AKAP7: variants seen among roughly 807,000 people sequenced by gnomAD.
The protein encoded by AKAP7 is A-kinase anchoring protein 7.
In AKAP7, 39 loss-of-function variants were observed where a neutral mutation model predicts 39.5. The observed-to-expected ratio is 0.99, with a 90% CI of 0.76 to 1.29. The LOEUF (loss-of-function observed/expected upper bound fraction) is 1.29. AKAP7 is among the 50% of genes most tolerant of loss of function. The pLI is 0.00. For synonymous variants in AKAP7, 140 were observed against 139.1 expected (o/e 1.01, Z -0.05); for missense variants, 414 against 407.7 (o/e 1.02, Z -0.13).
intron 7 of AKAP7, among the ~76,000 whole-genome samples, chr6:131,252,368 T>A (rs1450772551): frequency 1.3e-5 from 2 of 152,232 alleles, no homozygotes; most frequent in Admixed American, 1.3e-4. Flanking sequence ...TCACTCCTGA[T>A]GGCCCCCTGG....
chr6:131,277,919 C>G (rs11965504), intron 7 of AKAP7, among the ~76,000 whole-genome samples: 3,943 of 152,228 alleles, frequency 0.026, 146 homozygotes, highest in African/African-American at 0.082. Flanking sequence ...GATATTTTGT[C>G]TTACTGACCA....
the AKAP7 span, among the ~76,000 whole-genome samples, chr6:131,126,083 T>C: frequency 1.7e-4 from 26 of 152,330 alleles, no homozygotes; most frequent in African/African-American, 6.3e-4. Flanking sequence ...CATTGTGTTA[T>C]TAAATAAGTA....
rs35936165 is a variant in AKAP7, at chr6:131,148,943, CT to C, written c.151+3530del. 9.9e-3 allele frequency among the ~76,000 whole-genome samples: 1,514 copies of C among 152,252 alleles called. 113 individuals carry two copies. In the East Asian group the frequency reaches 0.18, roughly 18 times the overall value. Reference sequence around the variant, plus strand: ...TGTTGCCTATGATTCCTTCAGTTTTCTTTGACGTGTGGAAATTGCGAGTTAA... The same window carrying C: ...TGTTGCCTATGATTCCTTCAGTTTTCTTGACGTGTGGAAATTGCGAGTTAA... On this transcript the variant is annotated intron_variant, in intron 2 of 7. Transcript: ENST00000431975.
chr6:131,184,835 G>A (rs1427155112), intron 5 of AKAP7: 10 of 1,474,470 alleles, frequency 6.8e-6, no homozygotes, highest in South Asian at 4.5e-5. Context: ...AGGCCTGGTC[G>A]GTTCTTGTAA....
intron 6 of AKAP7, among the ~76,000 whole-genome samples, chr6:131,215,195 G>T (rs914423051): frequency 6.6e-6 from 1 of 151,792 alleles, no homozygotes; most frequent in Admixed American, 6.6e-5. Context: ...TTATATTTCC[G>T]CTGGAAACTA....
At chr6:131,269,576 G>A (rs1814101492) in intron 7 of AKAP7, among the ~76,000 whole-genome samples, 1 of 152,100 alleles carries the variant, frequency 6.6e-6, no homozygotes, top group Admixed American at 6.6e-5. Context: ...ACAAGACAAG[G>A]CAAAACCAGT....
intron 2 of AKAP7, among the ~76,000 whole-genome samples, chr6:131,157,053 G>A (rs1171444996): frequency 6.6e-6 from 1 of 152,116 alleles, no homozygotes; most frequent in Non-Finnish European, 1.5e-5. Context: ...GGGATTACAG[G>A]CATGAGCCAC....
chr6:131,234,653 G>T (rs1025964550), intron 7 of AKAP7, among the ~76,000 whole-genome samples: 1 of 146,634 alleles, frequency 6.8e-6, no homozygotes, highest in African/African-American at 2.5e-5. Flanking sequence ...TTATATGTAC[G>T]CTTTTATTTC....
intron 7 of AKAP7, among the ~76,000 whole-genome samples, chr6:131,247,831 TGTTAC>T (rs1812161290): frequency 6.6e-6 from 1 of 152,110 alleles, no homozygotes; most frequent in Non-Finnish European, 1.5e-5. Flanking sequence ...GGTCTCACTG[TGTTAC>T]CCAGGCTGGT....
intron 5 of AKAP7, among the ~76,000 whole-genome samples, chr6:131,191,910 G>T (rs1251997474): frequency 6.6e-6 from 1 of 151,214 alleles, no homozygotes; most frequent in Admixed American, 6.6e-5. Flanking sequence ...AAGTAGCTGG[G>T]GCTACAGGTG....
At chr6:131,213,522 A>G (rs1562218564) in intron 6 of AKAP7, among the ~76,000 whole-genome samples, 1 of 152,174 alleles carries the variant, frequency 6.6e-6, no homozygotes, top group African/African-American at 2.4e-5. Flanking sequence ...AGATGATAGG[A>G]AGGAGGAGGA....
chr6:131,247,269 G>GTGTATATA (rs1244438178), intron 7 of AKAP7, among the ~76,000 whole-genome samples: 24 of 91,912 alleles, frequency 2.6e-4, no homozygotes, highest in African/African-American at 7.8e-4. Context: ...CATTTCATAT[G>GTGTATATA]TATATATATA....
At chr6:131,277,535 G>C (rs1026519681) in intron 7 of AKAP7, among the ~76,000 whole-genome samples, 14 of 152,316 alleles carry the variant, frequency 9.2e-5, no homozygotes, top group Non-Finnish European at 2.1e-4. Flanking sequence ...GTAGCCATTT[G>C]TCTGAGAGCT....
At chr6:131,251,366 G>A (rs1011149688) in intron 7 of AKAP7, among the ~76,000 whole-genome samples, 12 of 152,148 alleles carry the variant, frequency 7.9e-5, no homozygotes, top group East Asian at 5.8e-4. Flanking sequence ...TAGTTGCCCC[G>A]AAATAGGGAA....
intron 7 of AKAP7, among the ~76,000 whole-genome samples, chr6:131,277,278 T>C (rs984877831): frequency 1.1e-4 from 16 of 152,220 alleles, no homozygotes; most frequent in African/African-American, 3.1e-4. Flanking sequence ...TCCTAAGAAA[T>C]TGATCAAGAA....
At chr6:131,190,283 T>C (rs1330417652) in intron 5 of AKAP7, among the ~76,000 whole-genome samples, 1 of 152,142 alleles carries the variant, frequency 6.6e-6, no homozygotes, top group Non-Finnish European at 1.5e-5. Context: ...CATAAAATAC[T>C]TCAGACCTAG....
chr6:131,253,943 G>A (rs1812652825), intron 7 of AKAP7, among the ~76,000 whole-genome samples: 1 of 152,136 alleles, frequency 6.6e-6, no homozygotes, highest in Non-Finnish European at 1.5e-5. Context: ...ACATCGGGGT[G>A]CAGGTATTCC....
chr6:131,269,805 G>A (rs1223461286), intron 7 of AKAP7, among the ~76,000 whole-genome samples: 10 of 152,168 alleles, frequency 6.6e-5, no homozygotes, highest in African/African-American at 2.2e-4. Context: ...GTCTATTTCA[G>A]TGGAAATTAT....
chr6:131,208,755 T>A (rs544254002), intron 6 of AKAP7, among the ~76,000 whole-genome samples: 1 of 152,218 alleles, frequency 6.6e-6, no homozygotes. Context: ...GATTCTTTTT[T>A]TCCCCCCATG....
Sources: gnomAD v4.1 joint callset for allele counts (sites outside exome capture counted in the v4.1 genomes callset) on GRCh38, gnomAD v4.1.1 for gene constraint, MANE v1.5 for transcripts, NCBI Gene and HGNC (gene_info 2026-07-23, HGNC 2026-07-21) for gene names.